Variants in RADIL observed in about 807,000 individuals in gnomAD.
RADIL encodes ras-associating and dilute domain-containing protein.
In RADIL, 99 loss-of-function variants were observed where a neutral mutation model predicts 97.6. The ratio of observed to expected loss-of-function variants is 1.01; its 90% CI spans 0.86 to 1.20. RADIL has a LOEUF of 1.20. Among genes scored for constraint, RADIL ranks in the 50% most tolerant of loss-of-function variants. RADIL has a pLI of 0.00. For missense variants in RADIL, 1,765 were observed against 1,498.9 expected, an observed-to-expected ratio of 1.18 and a Z score of -2.93; for synonymous variants, 803 against 691.8, an observed-to-expected ratio of 1.16 and a Z score of -2.52.
In RADIL at chr7:4,817,121, G is replaced by C. The variant is rs1368341710; in HGVS notation, c.1728+118C>G. On this transcript the variant is annotated intron_variant, in intron 7 of 14. Transcript: ENST00000399583. The surrounding 1 kb of genome is among the most constrained non-coding windows in gnomAD (Gnocchi z 8.3). The stretch of plus-strand genomic sequence containing the variant: ...ACTGCTCCCTGATGAAGTGGAGCTT[G>C]TCACGGTCCCCTCCCTCAGCCCCCC... 9 of 834,158 alleles carry C rather than the reference G, an allele frequency of 1.1e-5. No homozygotes were observed. The highest frequency in any genetic ancestry group is 1.5e-5 in the Non-Finnish European group (8 of 526,994). The allele number at this position is 834,158 out of a possible 1,614,324, so 51.7% of individuals were successfully genotyped here.
rs1033345983 is a variant in RADIL at position 4,840,800 on chromosome 7, G to C, written c.536-4195C>G. 6.6e-6 allele frequency among the ~76,000 whole-genome samples: 1 copy of C among 152,060 alleles called. No homozygotes were observed. The highest frequency in any genetic ancestry group is 2.4e-5 in the African/African-American group (1 of 41,410). ...TGGCCAACATGGTGAAACCCCGTCT[G>C]TACTAAAAATACAAAACTTAGCTGG... is the stretch of plus-strand genomic sequence containing the variant. On this transcript the variant is annotated intron_variant, in intron 2 of 14. Coordinates refer to ENST00000399583, the MANE Select transcript of RADIL (RefSeq NM_018059.5). This position sits in a 1 kb window ranked among gnomAD's most constrained non-coding sequence, Gnocchi z 5.6.
intron 5 of RADIL, among the ~76,000 whole-genome samples, chr7:4,827,915 C>CAAAA (rs200854596): frequency 4.7e-5 from 7 of 148,184 alleles, no homozygotes; most frequent in African/African-American, 1.2e-4. Flanking sequence ...AACAAACAAA[C>CAAAA]AAAAAAAAAC....
Position 4,799,446 on chromosome 7 carries a change from G to A in RADIL, c.3160C>T (p.Arg1054Trp), listed in dbSNP as rs202161989. Residue 1054 changes from arginine to tryptophan, a missense_variant, in exon 15 of 15, where the codon CGG (arginine) becomes TGG (tryptophan). Coordinates refer to ENST00000399583, the MANE Select transcript of RADIL (RefSeq NM_018059.5). ...DLIRHGGKKM[R>W]FLVAKSDVET... is the part of the protein sequence containing the mutation. Reference sequence around the variant, plus strand: ...ACGTCGGACTTCGCGACCAGGAACCGCATCTTCTTCCCGCCATGACGGATC... The same window carrying A: ...ACGTCGGACTTCGCGACCAGGAACCACATCTTCTTCCCGCCATGACGGATC... 47 of 1,613,684 alleles carry A rather than the reference G, an allele frequency of 2.9e-5. No individual in the cohort carries two copies. Among genetic ancestry groups the A allele is most frequent in the East Asian group, 2.9e-4 (13 of 44,870 alleles).
Position 4,872,430 on chromosome 7 carries a change from C to T in RADIL, c.535+5175G>A, listed in dbSNP as rs897034594. 1.3e-5 allele frequency among the ~76,000 whole-genome samples: 2 copies of T among 152,168 alleles called. No individual in the cohort carries two copies. The highest frequency in any genetic ancestry group is 6.5e-5 in the Admixed American group (1 of 15,286). ...GCGGGTTTAACACTTACCCCTCCTG[C>T]AAAGGCAAACCAAGCCTCCCCTCAC... is the stretch of plus-strand genomic sequence containing the variant. On this transcript the variant is annotated intron_variant, in intron 2 of 14. Coordinates refer to ENST00000399583, the MANE Select transcript of RADIL (RefSeq NM_018059.5). The surrounding 1 kb of genome is among the most constrained non-coding windows in gnomAD (Gnocchi z 5.8).
intron 2 of RADIL, chr7:4,861,755 T>A: frequency 6.7e-7 from 1 of 1,488,326 alleles, no homozygotes; most frequent in Non-Finnish European, 8.9e-7. Context: ...GCCGTAGCGA[T>A]TCGGCGGCGG....
intron 2 of RADIL, among the ~76,000 whole-genome samples, chr7:4,853,118 T>G (rs1237838557): frequency 6.6e-6 from 1 of 152,094 alleles, no homozygotes; most frequent in Non-Finnish European, 1.5e-5. Context: ...TGCATGTGGG[T>G]GTAGCTATGG....
At chr7:4,816,508 G>A (rs1427662995) in intron 7 of RADIL, 43 bp from the exon 8 acceptor site, 1 of 1,542,356 alleles carries the variant, frequency 6.5e-7, no homozygotes, top group Non-Finnish European at 8.9e-7. Context: ...ATTTCCAGGA[G>A]CGCTGGCGGC....
chr7:4,855,618 T>C (rs1336332090), intron 2 of RADIL, among the ~76,000 whole-genome samples: 2 of 137,646 alleles, frequency 1.5e-5, no homozygotes, highest in African/African-American at 5.8e-5. Context: ...TTTTTATTTT[T>C]GTAAAAAAAA....
At chr7:4,832,046 C>G in intron 5 of RADIL, 95 bp downstream of exon 5, 1 of 1,333,034 alleles carries the variant, frequency 7.5e-7, no homozygotes, top group Non-Finnish European at 1.1e-6. Context: ...GACCCCAAGG[C>G]GTGGGGAGAC....
Position 4,814,298 on chromosome 7 carries a change from TC to T in RADIL, c.2139+979del, listed in dbSNP as rs1782619366. ...CCAGACAGCCTCATTTTACGAATTT[TC>T]TACAGTCAATAAAAATGCTTCACTT... is the stretch of plus-strand genomic sequence containing the variant. On this transcript the variant is annotated intron_variant, in intron 9 of 14. Transcript: ENST00000399583. The surrounding 1 kb of genome is among the most constrained non-coding windows in gnomAD (Gnocchi z 4.5). Among the ~76,000 whole-genome samples, 1 of 152,224 alleles carries T rather than the reference TC, an allele frequency of 6.6e-6. No individual in the cohort carries two copies.
rs1783422958 is a variant in RADIL, at chr7:4,840,911, G to A, written c.536-4306C>T. Among the ~76,000 whole-genome samples the A allele has an allele frequency of 6.6e-6, 1 of 152,192 alleles. No homozygotes were observed. Among genetic ancestry groups the A allele is most frequent in the Admixed American group, 6.5e-5 (1 of 15,270 alleles). On this transcript the variant is annotated intron_variant, in intron 2 of 14. Coordinates refer to ENST00000399583, the MANE Select transcript of RADIL (RefSeq NM_018059.5). The surrounding 1 kb of genome is among the most constrained non-coding windows in gnomAD (Gnocchi z 5.6). ...GAACCCAGGAGGTGGAGGTTGCAGT[G>A]ACCTGAGATCGCACCACTGCACTCC... is the stretch of plus-strand genomic sequence containing the variant.
intron 1 of RADIL, among the ~76,000 whole-genome samples, chr7:4,881,101 TAAAAAAAAA>T (rs58900044): frequency 6.9e-4 from 38 of 55,222 alleles, no homozygotes; most frequent in African/African-American, 2.1e-3. Context: ...CCCTCTCTGT[TAAAAAAAAA>T]AAAAAAAAAA....
At chr7:4,809,383 A>G (rs1484709718) in intron 9 of RADIL, 1 of 984,978 alleles carries the variant, frequency 1.0e-6, no homozygotes, top group East Asian at 1.1e-4. Flanking sequence ...GAGCGGGGGG[A>G]GGCGGAGATC....
At chr7:4,811,977 G>A (rs1183767020) in intron 9 of RADIL, among the ~76,000 whole-genome samples, 1 of 151,438 alleles carries the variant, frequency 6.6e-6, no homozygotes, top group Non-Finnish European at 1.5e-5. Context: ...TGGGCTCCTG[G>A]AATCCTCCTG....
intron 2 of RADIL, chr7:4,860,979 A>C: frequency 6.2e-7 from 1 of 1,614,230 alleles, no homozygotes; most frequent in Non-Finnish European, 8.5e-7. Context: ...TCCCATTCTG[A>C]AAATACCAAG....
rs797014912 is a variant in RADIL at position 4,826,745 on chromosome 7, C to CA, written c.1455-4192dup. Among the ~76,000 whole-genome samples the CA allele has an allele frequency of 4.2e-3, 544 of 128,554 alleles. 4 individuals are homozygous for CA. The highest frequency in any genetic ancestry group is 0.015 in the South Asian group (59 of 3,954). The allele number at this position is 128,554 out of a possible 152,430, so 84.3% of individuals were successfully genotyped here. On this transcript the variant is annotated intron_variant, in intron 5 of 14. Transcript: ENST00000399583. ...GAGACTCCGTCTCAAAAAAAAAAAA[C>CA]AAAAAAAAAAACCCAATCAGATAGG...
chr7:4,846,123 C>CTTTT (rs548251052), intron 2 of RADIL, among the ~76,000 whole-genome samples: 2 of 143,624 alleles, frequency 1.4e-5, no homozygotes, highest in Admixed American at 1.4e-4. Context: ...CTACAATCTT[C>CTTTT]TTTTTTTTTT....
At chr7:4,799,831 A>C in intron 13 of RADIL, 62 bp from the exon 14 acceptor site, 1 of 1,439,800 alleles carries the variant, frequency 6.9e-7, no homozygotes, top group Non-Finnish European at 9.1e-7. Context: ...AGCGAGGACC[A>C]CTGCAGCCCC....
Position 4,877,755 on chromosome 7 carries a change from G to A in RADIL, c.385C>T (p.Arg129Trp), listed in dbSNP as rs375998204. The A allele has an allele frequency of 1.1e-5, 18 of 1,613,404 alleles. No homozygotes were observed. The highest frequency in any genetic ancestry group is 5.3e-5 in the African/African-American group (4 of 74,926). ...AGDAGQRWQA[R>W]CFRVFGDSEK... ...CTGTCCCCAAACACCCGAAAGCACC[G>A]GGCCTGCCACCGCTGCCCAGCATCG... The change falls in exon 2 of 15, where the codon CGG (arginine) becomes TGG (tryptophan). Residue 129 changes from arginine to tryptophan, a missense_variant. By Grantham distance (101) the Arg-to-Trp change is moderately radical. Coordinates refer to ENST00000399583, the MANE Select transcript of RADIL (RefSeq NM_018059.5).
Sources: gnomAD v4.1 joint callset for allele counts (sites outside exome capture counted in the v4.1 genomes callset) on GRCh38, gnomAD v4.1.1 for gene constraint, Gnocchi (gnomAD v3.1) non-coding constraint, MANE v1.5 for transcripts, NCBI Gene and HGNC (gene_info 2026-07-23, HGNC 2026-07-21) for gene names.